Variants in UBE2F observed in about 807,000 individuals in gnomAD.
UBE2F encodes the protein ubiquitin conjugating enzyme E2 F (putative), also known as NEDD8-conjugating enzyme UBE2F.
UBE2F carries 5 observed loss-of-function variants against 29.6 expected under a neutral mutation model. The ratio of observed to expected loss-of-function variants is 0.17; its 90% CI spans 0.09 to 0.36. UBE2F has a LOEUF of 0.36. Ranked by LOEUF, UBE2F falls within the 10% of genes least tolerant of loss-of-function variation. The pLI is 1.00. For synonymous variants in UBE2F, 66 were observed against 81.8 expected, an observed-to-expected ratio of 0.81 and a Z score of 1.04; for missense variants, 141 against 228.5, an observed-to-expected ratio of 0.62 and a Z score of 2.47.
At chr2:237,986,186 A>G (rs773175739) in intron 2 of UBE2F, 1 of 394,300 alleles carries the variant, frequency 2.5e-6, no homozygotes, top group South Asian at 1.8e-5. Flanking sequence ...TGTCACGTAG[A>G]GTGAGTGGTG....
chr2:238,010,293 C>T (rs1044746996), intron 4 of UBE2F, among the ~76,000 whole-genome samples: 1 of 152,082 alleles, frequency 6.6e-6, no homozygotes, highest in Non-Finnish European at 1.5e-5. Flanking sequence ...TCTGCCTCAG[C>T]CTCCCAAGTA....
chr2:237,990,315 AAAAAT>A (rs1454141428), intron 3 of UBE2F: 11 of 415,732 alleles, frequency 2.6e-5, no homozygotes, highest in Admixed American at 9.9e-5. Flanking sequence ...TTTTCCTAAT[AAAAAT>A]AAAATAAAAT....
chr2:238,000,636 T>C (rs2063774192), intron 4 of UBE2F, among the ~76,000 whole-genome samples: 1 of 152,212 alleles, frequency 6.6e-6, no homozygotes, highest in South Asian at 2.1e-4. Context: ...TATGTGCAGG[T>C]CTTCATTTGC....
rs970767851 is a variant in UBE2F, at chr2:237,974,522, T to G, written c.118+1297T>G. On this transcript the variant is annotated intron_variant, in intron 2 of 9. Transcript: ENST00000272930. ...TGTGGTTTTTTTTTTTTTGTTTTTT[T>G]TTTTTTTTTGAGATGGAGTCTCGCT... Among the ~76,000 whole-genome samples, 13 of 142,452 alleles carry G rather than the reference T, an allele frequency of 9.1e-5. 1 individual carries two copies. Among genetic ancestry groups the G allele is most frequent in the South Asian group, 2.3e-4 (1 of 4,360 alleles). The allele number at this position is 142,452 out of a possible 152,430, so 93.5% of individuals were successfully genotyped here. A position where few individuals can be genotyped will look rare whatever the true frequency, so the allele number is the denominator to read the frequency against.
chr2:238,000,450 T>C (rs2063770457), intron 4 of UBE2F, among the ~76,000 whole-genome samples: 1 of 152,266 alleles, frequency 6.6e-6, no homozygotes, highest in African/African-American at 2.4e-5. Flanking sequence ...ATTCTTTTAC[T>C]TAACGTAATG....
intron 2 of UBE2F, among the ~76,000 whole-genome samples, chr2:237,979,156 T>C (rs2106331206): frequency 6.6e-6 from 1 of 152,294 alleles, no homozygotes; most frequent in Non-Finnish European, 1.5e-5. Flanking sequence ...AGTCTGGAGT[T>C]AGGGGAGCTA....
chr2:237,996,476 G>GTT (rs11293005), intron 4 of UBE2F, among the ~76,000 whole-genome samples: 24 of 138,432 alleles, frequency 1.7e-4, no homozygotes, highest in African/African-American at 5.8e-4. Flanking sequence ...TCCCCTCCGC[G>GTT]TTTTTTTTTT....
chr2:238,041,269 C>T lies in UBE2F; in HGVS notation c.508-19C>T. ...CTCCTCCTGTTCTTCTTTCTGTCCC[C>T]AATGCTGTTACTCCACAGGAGGACT... On this transcript the variant is annotated intron_variant, in intron 9 of 9. Coordinates refer to ENST00000272930, the MANE Select transcript of UBE2F (RefSeq NM_080678.3). The T allele has an allele frequency of 6.2e-7, 1 of 1,612,784 alleles. No homozygotes were observed. The highest frequency in any genetic ancestry group is 1.1e-5 in the South Asian group (1 of 91,036).
intron 5 of UBE2F, 55 bp downstream of exon 5, chr2:238,016,688 G>A: frequency 6.7e-7 from 1 of 1,495,454 alleles, no homozygotes; most frequent in Non-Finnish European, 9.2e-7. Context: ...GCTGCCTGTG[G>A]CTGTGGCCCG....
chr2:238,004,964 C>CG (rs2063870696), intron 4 of UBE2F, among the ~76,000 whole-genome samples: 1 of 152,144 alleles, frequency 6.6e-6, no homozygotes. Flanking sequence ...AAGAGACAGC[C>CG]TTTTCTGGGG....
chr2:237,996,473 CG>C (rs2063694921), intron 4 of UBE2F, among the ~76,000 whole-genome samples: 1 of 107,454 alleles, frequency 9.3e-6, no homozygotes, highest in African/African-American at 5.6e-5. Context: ...GCCTCCCCTC[CG>C]CGTTTTTTTT....
chr2:238,022,623 CTCTTT>C (rs2064323321), intron 5 of UBE2F, among the ~76,000 whole-genome samples: 1 of 152,070 alleles, frequency 6.6e-6, no homozygotes, highest in Non-Finnish European at 1.5e-5. Context: ...TCCTATAATT[CTCTTT>C]TATGTTTAAT....
chr2:238,030,654 T>C, intron 7 of UBE2F, 41 bp downstream of exon 7: 2 of 1,528,968 alleles, frequency 1.3e-6, no homozygotes, highest in Non-Finnish European at 1.8e-6. Flanking sequence ...GTTGTCCCTG[T>C]GGTCCTCTCC....
intron 4 of UBE2F, among the ~76,000 whole-genome samples, chr2:238,005,221 G>A (rs905801466): frequency 7.4e-4 from 112 of 152,028 alleles, no homozygotes; most frequent in African/African-American, 2.6e-3. Flanking sequence ...TTTGAGACAG[G>A]GTCTCGCTCT....
chr2:238,041,175 C>A, intron 9 of UBE2F, 113 bp from the exon 10 acceptor site: 1 of 1,025,814 alleles, frequency 9.7e-7, no homozygotes, highest in Non-Finnish European at 1.5e-6. Context: ...ACCACCTTGG[C>A]GACCACAGGG....
chr2:237,987,028 T>C (rs1226355121), intron 2 of UBE2F, among the ~76,000 whole-genome samples: 1 of 152,218 alleles, frequency 6.6e-6, no homozygotes, highest in East Asian at 1.9e-4. Flanking sequence ...CTGTGAAAAA[T>C]GCCATTGGAA....
At chr2:238,010,352 T>G (rs2063996372) in intron 4 of UBE2F, among the ~76,000 whole-genome samples, 1 of 152,218 alleles carries the variant, frequency 6.6e-6, no homozygotes, top group African/African-American at 2.4e-5. Flanking sequence ...TTTTGTATTC[T>G]TAGTATAGAC....
intron 4 of UBE2F, among the ~76,000 whole-genome samples, chr2:238,006,055 G>A (rs142556231): frequency 7.9e-5 from 12 of 152,276 alleles, no homozygotes; most frequent in African/African-American, 2.9e-4. Context: ...CTGAGGCCAG[G>A]TAATTTGTGA....
chr2:237,991,161 G>A (rs896423199), intron 3 of UBE2F, among the ~76,000 whole-genome samples: 4 of 152,100 alleles, frequency 2.6e-5, no homozygotes, highest in African/African-American at 9.7e-5. Flanking sequence ...CATGCTCCCT[G>A]CCCCTTCTTT....
Sources: gnomAD v4.1 joint callset for allele counts (sites outside exome capture counted in the v4.1 genomes callset) on GRCh38, gnomAD v4.1.1 for gene constraint, MANE v1.5 for transcripts, NCBI Gene and HGNC (gene_info 2026-07-23, HGNC 2026-07-21) for gene names.